The following ELMO1 variants were observed in gnomAD, a reference collection of about 807,000 sequenced individuals.
ELMO1 encodes engulfment and cell motility 1.
A neutral mutation model predicts 98.9 loss-of-function variants in ELMO1; 26 were observed. The ratio of observed to expected loss-of-function variants is 0.26; its 90% confidence interval spans 0.19 to 0.36. The LOEUF (loss-of-function observed/expected upper bound fraction) is 0.36, where lower values mean the gene tolerates loss of function less well. ELMO1 is among the 10% of genes least tolerant of loss of function. The probability of loss-of-function intolerance (pLI) is 1.00; values close to 1 mark genes in which losing one functional copy is unlikely to be tolerated. For synonymous variants in ELMO1, 346 were observed against 346.0 expected, an observed-to-expected ratio of 1.00 and a Z score of 0.00; for missense variants, 627 against 935.2, an observed-to-expected ratio of 0.67 and a Z score of 4.30.
In ELMO1 at chr7:37,250,219, A is replaced by G. The variant is rs181442112; in HGVS notation, c.414-5828T>C. On this transcript the variant is annotated intron_variant, in intron 6 of 21. Transcript: ENST00000310758. ...ATATTAATTGTACATAATAAGCTAT[A>G]AAGCTGCAAAAATGAAACAGTACGC... Among the ~76,000 whole-genome samples, 7 of 152,376 alleles carry G rather than the reference A, an allele frequency of 4.6e-5. No individual in the cohort carries two copies. The East Asian group carries it at 7.7e-4, about 17-fold the overall frequency.
intron 16 of ELMO1, among the ~76,000 whole-genome samples, chr7:36,972,756 A>G (rs1790081377): frequency 6.6e-6 from 1 of 152,178 alleles, no homozygotes; most frequent in African/African-American, 2.4e-5. Context: ...ACTTCAATCT[A>G]TATATCTATA....
intron 1 of ELMO1, chr7:37,351,271 T>C (rs1472328278): frequency 1.3e-5 from 2 of 152,220 alleles, no homozygotes; most frequent in East Asian, 1.9e-4. Flanking sequence ...GAAAAAAAAT[T>C]TGCAATAAAT....
rs544344365 is a variant in ELMO1 at position 37,106,916 on chromosome 7, G to C, written c.1192-10189C>G. Among the ~76,000 whole-genome samples the C allele has an allele frequency of 7.9e-5, 12 of 152,272 alleles. No individual in the cohort carries two copies. The East Asian group carries it at 2.3e-3, about 29-fold the overall frequency. ...TTAAAATGAAGATTCTGACTCAGTA[G>C]GTGTGGGTTGGGACCTGAGGTCCCA... On this transcript the variant is annotated intron_variant, in intron 14 of 21. Coordinates refer to ENST00000310758, the MANE Select transcript of ELMO1 (RefSeq NM_014800.11).
intron 2 of ELMO1, among the ~76,000 whole-genome samples, chr7:37,318,121 A>G (rs140228278): frequency 9.8e-5 from 15 of 152,372 alleles, no homozygotes; most frequent in African/African-American, 1.7e-4. Flanking sequence ...TACATGTTAC[A>G]TAAGTCCTAG....
In ELMO1 at chr7:37,305,475, C is replaced by A. The variant is rs545872189; in HGVS notation, c.192+9375G>T. On this transcript the variant is annotated intron_variant, in intron 4 of 21. Coordinates refer to ENST00000310758, the MANE Select transcript of ELMO1 (RefSeq NM_014800.11). ...GTGTGTGTGTGTGTGTGTGTATGTG[C>A]ATATTTCTTTTCAAAAGGTAATTAA... Among the ~76,000 whole-genome samples, 3 of 138,144 alleles carry A rather than the reference C, an allele frequency of 2.2e-5. 1 individual carries two copies. The South Asian group carries it at 6.9e-4, about 32-fold the overall frequency. 90.6% of individuals were successfully genotyped at this position (138,144 alleles called of 152,430 possible).
intron 4 of ELMO1, among the ~76,000 whole-genome samples, chr7:37,287,188 CCTT>C (rs1237456568): frequency 2.0e-5 from 3 of 147,402 alleles, no homozygotes; most frequent in Non-Finnish European, 3.0e-5. Flanking sequence ...GCAAGAGACT[CCTT>C]CTCAAAAAAA....
At chr7:36,875,373 C>A (rs150551992) in intron 19 of ELMO1, among the ~76,000 whole-genome samples, 2 of 152,310 alleles carry the variant, frequency 1.3e-5, no homozygotes, top group East Asian at 3.9e-4. Context: ...CTAGTACACA[C>A]ACACTCTCTT....
chr7:37,055,876 C>T (rs1229007657), intron 15 of ELMO1, among the ~76,000 whole-genome samples: 1 of 152,148 alleles, frequency 6.6e-6, no homozygotes, highest in Admixed American at 6.5e-5. Flanking sequence ...GGGAGATTGT[C>T]CTATCTGTAG....
intron 16 of ELMO1, among the ~76,000 whole-genome samples, chr7:36,957,234 A>G (rs73340269): frequency 0.01 from 1,432 of 142,764 alleles, 30 homozygotes; most frequent in African/African-American, 0.041. Flanking sequence ...CAAATGAAGG[A>G]GTATGGCTCC....
At chr7:37,301,742 T>G (rs1457420800) in intron 4 of ELMO1, among the ~76,000 whole-genome samples, 18 of 152,198 alleles carry the variant, frequency 1.2e-4, no homozygotes, top group Admixed American at 1.2e-3. Context: ...AAAATTGTGC[T>G]CAAAAGAAGG....
chr7:36,936,890 T>C (rs539721847), intron 16 of ELMO1, among the ~76,000 whole-genome samples: 2 of 152,346 alleles, frequency 1.3e-5, no homozygotes, highest in South Asian at 2.1e-4. Context: ...GGATTAAGTA[T>C]AGAGTAAGCA....
intron 2 of ELMO1, among the ~76,000 whole-genome samples, chr7:37,335,543 A>G (rs1034403368): frequency 6.6e-6 from 1 of 152,190 alleles, no homozygotes; most frequent in Non-Finnish European, 1.5e-5. Context: ...AGAAAGCTCA[A>G]GAATCATCCA....
At chr7:37,049,121 G>A (rs1351059528) in intron 15 of ELMO1, among the ~76,000 whole-genome samples, 2 of 152,118 alleles carry the variant, frequency 1.3e-5, no homozygotes, top group South Asian at 4.2e-4. Context: ...TTTTAAGAGC[G>A]ACCACCCTGT....
At chr7:37,367,190 G>C (rs1801940152) in intron 1 of ELMO1, among the ~76,000 whole-genome samples, 1 of 152,298 alleles carries the variant, frequency 6.6e-6, no homozygotes, top group East Asian at 1.9e-4. Flanking sequence ...TTGGGACTCA[G>C]ACCAAAGGTC....
intron 16 of ELMO1, among the ~76,000 whole-genome samples, chr7:36,905,065 T>G (rs1783856411): frequency 6.6e-6 from 1 of 152,158 alleles, no homozygotes; most frequent in African/African-American, 2.4e-5. Flanking sequence ...GTCAAGCAAG[T>G]CAGTTCCAAA....
At chr7:37,072,481 G>A (rs1444509516) in intron 15 of ELMO1, among the ~76,000 whole-genome samples, 3 of 152,122 alleles carry the variant, frequency 2.0e-5, no homozygotes, top group Non-Finnish European at 4.4e-5. Flanking sequence ...CCAGTCTTGG[G>A]GATGTCTTTA....
At position 37,429,149 on chromosome 7, in the gene ELMO1, G is replaced by A. The variant is rs1804827033; in HGVS notation, c.-74+19526C>T. On this transcript the variant is annotated intron_variant, in intron 1 of 21. Transcript: ENST00000310758. Reference sequence around the variant, plus strand: ...CAAAACACCTGGGTTTAAACTGTCAGGATCCAACTTGTCTTCTTTCCAACC... The same window carrying A: ...CAAAACACCTGGGTTTAAACTGTCAAGATCCAACTTGTCTTCTTTCCAACC... The A allele has an allele frequency of 2.6e-5, 4 of 152,254 alleles. No homozygotes were observed. The South Asian group carries it at 8.3e-4, about 32-fold the overall frequency. The allele number at this position is 152,254 out of a possible 1,614,324, so 9.4% of individuals were successfully genotyped here.
intron 11 of ELMO1, among the ~76,000 whole-genome samples, chr7:37,214,134 C>A (rs1793146208): frequency 1.3e-5 from 2 of 152,160 alleles, no homozygotes; most frequent in Admixed American, 1.3e-4. Context: ...GATAGGTCCA[C>A]CCCCAATCCC....
intron 2 of ELMO1, among the ~76,000 whole-genome samples, chr7:37,337,559 TG>T (rs1165219934): frequency 4.7e-5 from 7 of 148,078 alleles, no homozygotes; most frequent in Admixed American, 4.7e-4. Context: ...TGTGGAGCAT[TG>T]GGGGTTGGGA....
Sources: gnomAD v4.1 joint callset for allele counts (sites outside exome capture counted in the v4.1 genomes callset) on GRCh38, gnomAD v4.1.1 for gene constraint, MANE v1.5 for transcripts, NCBI Gene and HGNC (gene_info 2026-07-23, HGNC 2026-07-21) for gene names.